The following ASPM variants were observed in gnomAD, a reference collection of about 807,000 sequenced individuals.
ASPM encodes the protein abnormal spindle-like microcephaly-associated protein.
Under a neutral mutation model 366.4 loss-of-function variants are expected in ASPM, and 256 were observed. That is an observed-to-expected ratio of 0.70 (90% CI 0.63 to 0.77). The LOEUF (loss-of-function observed/expected upper bound fraction) is 0.77, where lower values mean the gene tolerates loss of function less well. Among genes scored for constraint, ASPM ranks in the 30% least tolerant of loss-of-function variants. ASPM has a pLI of 0.00. For synonymous variants in ASPM, 1,414 were observed against 1,342.9 expected (o/e 1.05, Z -1.16); for missense variants, 4,146 against 4,090.4 (o/e 1.01, Z -0.37).
intron 4 of ASPM, chr1:197,138,980 C>A: frequency 1.4e-6 from 1 of 721,974 alleles, no homozygotes. Context: ...TGTTTCAACT[C>A]TTCTTCTCTC....
chr1:197,122,077 A>G, intron 15 of ASPM, 34 bp from the exon 16 acceptor site: 2 of 1,605,316 alleles, frequency 1.2e-6, no homozygotes, highest in Non-Finnish European at 8.5e-7. Flanking sequence ...AAAACAGAAT[A>G]TCAACAGAGA....
chr1:197,103,401 C>T lies in ASPM; in HGVS notation c.5850G>A (p.Ala1950=), dbSNP rs537962201. The change falls in exon 18 of 28, where the codon GCG becomes GCA. Residue 1950 remains alanine, a synonymous_variant. Transcript: ENST00000367409. ...QCMEYIELRH[A]VLVLQSMWKG... Reference sequence around the variant, plus strand: ...TCCACATAGATTGAAGCACCAGTACCGCATGACGGAGTTCAATATACTCCA... The same window carrying T: ...TCCACATAGATTGAAGCACCAGTACTGCATGACGGAGTTCAATATACTCCA... 89 of 1,613,224 alleles carry T rather than the reference C, an allele frequency of 5.5e-5. 1 individual carries two copies. In the South Asian group the frequency reaches 6.5e-4, roughly 12 times the overall value.
rs1182339918 is a variant in ASPM at position 197,142,726 on chromosome 1, T to TGGG, written c.1525_1526insCCC (p.Asn508_Gln509insPro). The TGGG allele has an allele frequency of 1.2e-6, 2 of 1,613,908 alleles. No individual in the cohort carries two copies. The highest frequency in any genetic ancestry group is 2.2e-5 in the East Asian group (1 of 44,884). On this transcript the variant is annotated inframe_insertion, in exon 3 of 28. Transcript: ENST00000367409. ...TGCTTTTGGTTTATTAATCTCAGTT[T>TGGG]GGTTTTCTCTGGTACAGGTGGCCTT...
intron 3 of ASPM, among the ~76,000 whole-genome samples, chr1:197,141,466 G>A (rs1470423970): frequency 6.6e-6 from 1 of 152,082 alleles, no homozygotes; most frequent in Non-Finnish European, 1.5e-5. Context: ...TGAAAATAAG[G>A]AACATGACTA....
At chr1:197,098,688 T>C (rs1048185877) in intron 18 of ASPM, among the ~76,000 whole-genome samples, 1 of 151,568 alleles carries the variant, frequency 6.6e-6, no homozygotes, top group Non-Finnish European at 1.5e-5. Context: ...TCTTAACACC[T>C]TGTTGGCTTC....
intron 4 of ASPM, chr1:197,139,153 T>C (rs1456213627): frequency 1.1e-6 from 1 of 926,104 alleles, no homozygotes; most frequent in East Asian, 2.4e-5. Context: ...TTTTCCACAT[T>C]GGTACAAAGA....
At chr1:197,138,218 A>G (rs944858667) in intron 4 of ASPM, among the ~76,000 whole-genome samples, 39 of 152,206 alleles carry the variant, frequency 2.6e-4, no homozygotes, top group African/African-American at 7.7e-4. Flanking sequence ...TATTGATTGA[A>G]TGTCATCTTC....
At position 197,143,048 on chromosome 1, in the gene ASPM, C is replaced by T. The variant is rs1445886862; in HGVS notation, c.1204G>A (p.Ala402Thr). 6.2e-7 allele frequency: 1 copy of T among 1,612,900 alleles called. No homozygotes were observed. Among genetic ancestry groups the T allele is most frequent in the Non-Finnish European group, 8.5e-7 (1 of 1,179,080 alleles). Residue 402 changes from alanine (A) to threonine (T), a missense_variant, in exon 3 of 28, where the codon GCA (alanine) becomes ACA (threonine). Physicochemically the swap from Ala to Thr is moderately conservative, Grantham distance 58. Transcript: ENST00000367409. ...SPNQFLKDNM[A>T]YMCTSQQTCK... ...GTTTGCTGAGATGTACACATATATG[C>T]CATGTTATCTTTTAAAAATTGATTA...
At chr1:197,138,876 T>A in intron 4 of ASPM, 1 of 951,544 alleles carries the variant, frequency 1.1e-6, no homozygotes, top group Non-Finnish European at 1.7e-6. Context: ...TTCTTCGAGC[T>A]TCCTTATCTC....
intron 17 of ASPM, among the ~76,000 whole-genome samples, chr1:197,106,161 G>A (rs535573325): frequency 6.6e-6 from 1 of 152,054 alleles, no homozygotes; most frequent in South Asian, 2.1e-4. Flanking sequence ...GAAGCTTAAG[G>A]AGAACATGCA....
At chr1:197,092,149 T>A in intron 21 of ASPM, 93 bp from the exon 22 acceptor site, 1 of 1,244,638 alleles carries the variant, frequency 8.0e-7, no homozygotes, top group Non-Finnish European at 1.2e-6. Context: ...TCAAATTATA[T>A]AAACTAGCAA....
rs775520545 is a variant in ASPM, at chr1:197,142,432, G to C, written c.1820C>G (p.Ser607Ter). The C allele has an allele frequency of 6.2e-7, 1 of 1,613,928 alleles. No homozygotes were observed. The highest frequency in any genetic ancestry group is 8.5e-7 in the Non-Finnish European group (1 of 1,179,854). Reference sequence around the variant, plus strand: ...CTTAACAGCTGATGTTTTAGGCTCTGAGGGAGAAAAATGGATTCTTTTGAT... The same window carrying C: ...CTTAACAGCTGATGTTTTAGGCTCTCAGGGAGAAAAATGGATTCTTTTGAT... ...REIKRIHFSP[S>*]EPKTSAVKKT... The change falls in exon 3 of 28, where the codon TCA becomes TGA. Residue 607 changes from serine (S) to a stop codon, truncating the protein, a stop_gained. Transcript: ENST00000367409. LOFTEE classifies it high-confidence loss of function.
Position 197,104,650 on chromosome 1 carries a change from T to A in ASPM, c.4601A>T (p.Tyr1534Phe). The A allele has an allele frequency of 6.2e-7, 1 of 1,613,128 alleles. No homozygotes were observed. The highest frequency in any genetic ancestry group is 8.5e-7 in the Non-Finnish European group (1 of 1,179,442). ...YLKGKIERTN[Y>F]LQKRAAAIQL... The stretch of plus-strand genomic sequence containing the variant: ...AATGGCTGCAGCTCGTTTCTGCAAA[T>A]AGTTGGTGCGCTCAATCTTTCCTTT... Residue 1534 changes from tyrosine (Y) to phenylalanine (F), a missense_variant, in exon 18 of 28, where the codon TAT (tyrosine) becomes TTT (phenylalanine). By Grantham distance (22) the Tyr-to-Phe change is conservative (BLOSUM62 3). Around this residue, in one of 3 missense-constraint regions of ASPM, gnomAD observed 3,624 missense variants for 3,591.7 expected, o/e 1.01. Transcript: ENST00000367409.
At chr1:197,139,098 G>A (rs918001549) in intron 4 of ASPM, 5 of 761,232 alleles carry the variant, frequency 6.6e-6, no homozygotes, top group Admixed American at 1.9e-5. Flanking sequence ...GCAGTTTTTG[G>A]TACCTACAGC....
intron 13 of ASPM, among the ~76,000 whole-genome samples, chr1:197,123,785 C>T (rs1024674647): frequency 1.3e-5 from 2 of 151,920 alleles, no homozygotes; most frequent in Non-Finnish European, 2.9e-5. Flanking sequence ...CTTAGTTGTC[C>T]CTTTCTGAAT....
chr1:197,099,981 A>G (rs1033745291), intron 18 of ASPM, among the ~76,000 whole-genome samples: 1 of 151,758 alleles, frequency 6.6e-6, no homozygotes, highest in Non-Finnish European at 1.5e-5. Flanking sequence ...AAGCCAAAGT[A>G]CTAAACACTC....
chr1:197,104,421 A>G lies in ASPM; in HGVS notation c.4830T>C (p.Val1610=). 1.2e-6 allele frequency: 2 copies of G among 1,613,104 alleles called. No individual in the cohort carries two copies. The highest frequency in any genetic ancestry group is 2.2e-5 in the South Asian group (2 of 91,058). The change falls in exon 18 of 28, where the codon GTT becomes GTC. Residue 1610 remains valine, a synonymous_variant. Transcript: ENST00000367409. The part of the protein sequence containing the change: ...QKYKKMKKAA[V]IIQTHFRAYI... The stretch of plus-strand genomic sequence containing the variant: ...AAGCTCGGAAATGAGTCTGAATTAT[A>G]ACAGCTGCTTTCTTCATCTTCTTAT...
chr1:197,090,379 T>C lies in ASPM; in HGVS notation c.9646A>G (p.Arg3216Gly), dbSNP rs1656740791. Residue 3216 changes from arginine (R) to glycine (G), a missense_variant, in exon 24 of 28, where the codon AGA becomes GGA. By Grantham distance (125) the Arg-to-Gly change is moderately radical. Coordinates refer to ENST00000367409, the MANE Select transcript of ASPM (RefSeq NM_018136.5). ...TTTTTCTTCCTCCAAGAATAGCCTC[T>C]CCATAATGCCTTAAAGAGATAAAAC... The part of the protein sequence containing the change: ...SGIIKIQALW[R>G]GYSWRKKNDC... 1 of 1,607,506 alleles carries C rather than the reference T, an allele frequency of 6.2e-7. No individual in the cohort carries two copies.
rs886045760 is a variant in ASPM at position 197,088,378 on chromosome 1, A to G, written c.10039T>C (p.Leu3347=). The change falls in exon 26 of 28, where the codon TTG becomes CTG. Residue 3347 remains leucine (L), a synonymous_variant. Transcript: ENST00000367409. ...TCTCGGTATATCTGCAAAAGCTCCA[A>G]TAGTATATCTATACAATTTTCTACA... The part of the protein sequence containing the change: ...YDVENCIDIL[L]ELLQIYREKP... The G allele has an allele frequency of 6.2e-7, 1 of 1,611,340 alleles. No homozygotes were observed. Among genetic ancestry groups the G allele is most frequent in the Admixed American group, 1.7e-5 (1 of 59,976 alleles).
Sources: allele counts gnomAD v4.1 joint callset (sites outside exome capture counted in the v4.1 genomes callset), GRCh38; gene constraint gnomAD v4.1.1; regional missense constraint gnomAD v4.1.1; transcripts MANE v1.5; gene names NCBI Gene and HGNC (gene_info 2026-07-23, HGNC 2026-07-21).